The following TRIM2 variants were observed in gnomAD, a reference collection of about 807,000 sequenced individuals.
TRIM2 encodes the protein tripartite motif containing 2, also known as tripartite motif-containing protein 2.
In TRIM2, 20 loss-of-function variants were observed where a neutral mutation model predicts 75.2. The observed-to-expected ratio is 0.27, with a 90% CI of 0.19 to 0.39. The LOEUF (loss-of-function observed/expected upper bound fraction) is 0.39, where lower values mean the gene tolerates loss of function less well. Among genes scored for constraint, TRIM2 ranks in the 10% least tolerant of loss-of-function variants. The probability of loss-of-function intolerance (pLI) is 1.00; values close to 1 mark genes in which losing one functional copy is unlikely to be tolerated. For missense variants in TRIM2, 660 were observed against 990.8 expected (o/e 0.67, Z 4.48); for synonymous variants, 373 against 388.3 (o/e 0.96, Z 0.46).
Position 153,234,318 on chromosome 4 carries a change from AAAG to A in TRIM2, c.30+29762_30+29764del, listed in dbSNP as rs1312855172. Among the ~76,000 whole-genome samples the A allele has an allele frequency of 4.6e-5, 7 of 152,230 alleles. No individual in the cohort carries two copies. In the East Asian group the frequency reaches 1.4e-3, roughly 29 times the overall value. On this transcript the variant is annotated intron_variant, in intron 1 of 11. Coordinates refer to ENST00000338700, the MANE Select transcript of TRIM2 (RefSeq NM_015271.5). The stretch of plus-strand genomic sequence containing the variant: ...CACACTGTGATTCAGGGGTGGGAGG[AAAG>A]AAGGTGTTGGATAGCGATTCTCAAA...
chr4:153,213,936 G>A (rs1055322592), intron 1 of TRIM2, among the ~76,000 whole-genome samples: 9 of 151,962 alleles, frequency 5.9e-5, no homozygotes, highest in Middle Eastern at 3.4e-3. Flanking sequence ...TACATATTTT[G>A]TTCCAGATTG....
At chr4:153,229,472 C>T (rs181547700) in intron 1 of TRIM2, among the ~76,000 whole-genome samples, 3 of 152,176 alleles carry the variant, frequency 2.0e-5, no homozygotes, top group African/African-American at 7.2e-5. Flanking sequence ...TGCCCAGGCT[C>T]GTCTCAAATT....
At chr4:153,203,485 C>T (rs901156586), upstream of TRIM2, among the ~76,000 whole-genome samples, 14 of 150,450 alleles carry the variant, frequency 9.3e-5, no homozygotes, top group African/African-American at 2.9e-4. Context: ...CTTGGGCATA[C>T]AATAAATCCA....
intron 1 of TRIM2, among the ~76,000 whole-genome samples, chr4:153,153,457 G>T (rs918223917): frequency 2.2e-4 from 34 of 152,294 alleles, no homozygotes; most frequent in Non-Finnish European, 4.4e-4. Flanking sequence ...GGAGGCGACA[G>T]CCCGGAAGGC....
intron 1 of TRIM2, among the ~76,000 whole-genome samples, chr4:153,193,562 G>A (rs1460163431): frequency 2.6e-5 from 4 of 152,160 alleles, no homozygotes; most frequent in Non-Finnish European, 5.9e-5. Flanking sequence ...GCTAAACACT[G>A]TTCTAAATGA....
rs574509211 is a variant in TRIM2, at chr4:153,171,856, G to A, written c.-49+18586G>A. On this transcript the variant is annotated intron_variant, in intron 1 of 11. Transcript: ENST00000437508. Reference sequence around the variant, plus strand: ...GTTTTGGGGCTTTTTTTTTTTTTTCGCTAATGTATTTTAAAGCAAATCTCA... The same window carrying A: ...GTTTTGGGGCTTTTTTTTTTTTTTCACTAATGTATTTTAAAGCAAATCTCA... 3.7e-3 allele frequency among the ~76,000 whole-genome samples: 185 copies of A among 49,568 alleles called. 6 individuals are homozygous for A. The South Asian group carries it at 0.071, about 19-fold the overall frequency. The allele number at this position is 49,568 out of a possible 152,430, so 32.5% of individuals were successfully genotyped here.
At chr4:153,270,863 T>TA (rs1035408040) in intron 2 of TRIM2, among the ~76,000 whole-genome samples, 1 of 152,178 alleles carries the variant, frequency 6.6e-6, no homozygotes, top group Non-Finnish European at 1.5e-5. Flanking sequence ...CAGAGTCAAT[T>TA]AAAAAAATCT....
intron 1 of TRIM2, among the ~76,000 whole-genome samples, chr4:153,189,569 C>T (rs540795238): frequency 1.3e-5 from 2 of 152,114 alleles, no homozygotes; most frequent in South Asian, 4.1e-4. Flanking sequence ...GCCTAATATC[C>T]CCTGTCCACT....
chr4:153,250,848 T>G (rs1220034709), intron 1 of TRIM2, among the ~76,000 whole-genome samples: 2 of 152,218 alleles, frequency 1.3e-5, no homozygotes, highest in Non-Finnish European at 2.9e-5. Flanking sequence ...TCCTTGAGAC[T>G]CTGAGCTGAA....
chr4:153,186,177 A>AG (rs1732578093), intron 1 of TRIM2, among the ~76,000 whole-genome samples: 1 of 152,152 alleles, frequency 6.6e-6, no homozygotes, highest in South Asian at 2.1e-4. Context: ...AGCAGTGCCC[A>AG]GGCTGAAAAA....
chr4:153,237,851 CT>C (rs1243691887), intron 1 of TRIM2, among the ~76,000 whole-genome samples: 1 of 151,978 alleles, frequency 6.6e-6, no homozygotes, highest in African/African-American at 2.4e-5. Context: ...TTAATTGTAT[CT>C]TTTTTTCAAA....
chr4:153,308,643 C>A, intron 6 of TRIM2: 1 of 600,432 alleles, frequency 1.7e-6, no homozygotes, highest in South Asian at 1.4e-5. Context: ...TTTCAATGTT[C>A]AAAGCATCCT....
intron 1 of TRIM2, among the ~76,000 whole-genome samples, chr4:153,244,359 T>C (rs1378271071): frequency 1.7e-4 from 4 of 24,124 alleles, no homozygotes; most frequent in African/African-American, 1.0e-3. Context: ...TTCTTCCTCT[T>C]CTTCTTCTTC....
rs114050277 is a variant in TRIM2 at position 153,165,169 on chromosome 4, G to A, written c.-49+11899G>A. Reference sequence around the variant, plus strand: ...TTCCGCCCCAAGATGCTATTGTTTGGGGCTTGCTTTTGTAATTCTTCTACA... The same window carrying A: ...TTCCGCCCCAAGATGCTATTGTTTGAGGCTTGCTTTTGTAATTCTTCTACA... On this transcript the variant is annotated intron_variant, in intron 1 of 11. Transcript: ENST00000437508. 1.7e-3 allele frequency among the ~76,000 whole-genome samples: 265 copies of A among 152,076 alleles called. 2 individuals carry two copies. Among genetic ancestry groups the A allele is most frequent in the African/African-American group, 6.0e-3 (249 of 41,482 alleles).
At chr4:153,330,442 A>G (rs1396981931) in intron 11 of TRIM2, among the ~76,000 whole-genome samples, 5 of 152,190 alleles carry the variant, frequency 3.3e-5, no homozygotes, top group Admixed American at 3.3e-4. Context: ...GCAATATGTA[A>G]AAATTGCTCC....
chr4:153,159,195 CTTGTTCT>C (rs1729511565), intron 1 of TRIM2, among the ~76,000 whole-genome samples: 1 of 150,778 alleles, frequency 6.6e-6, no homozygotes. Flanking sequence ...GGACTTTGAA[CTTGTTCT>C]CAAGACCATA....
chr4:153,206,064 CCCA>C (rs1194873873), intron 1 of TRIM2, among the ~76,000 whole-genome samples: 4 of 152,192 alleles, frequency 2.6e-5, no homozygotes, highest in Non-Finnish European at 5.9e-5. Flanking sequence ...ACCCTCCAGG[CCCA>C]CCGCAGGCCT....
intron 1 of TRIM2, among the ~76,000 whole-genome samples, chr4:153,250,547 A>G (rs915000094): frequency 7.9e-5 from 12 of 152,234 alleles, no homozygotes; most frequent in African/African-American, 2.7e-4. Flanking sequence ...AATAAATGAT[A>G]CCAGACCAAC....
intron 10 of TRIM2, among the ~76,000 whole-genome samples, chr4:153,327,000 A>T (rs1017215875): frequency 6.7e-6 from 1 of 149,576 alleles, no homozygotes; most frequent in African/African-American, 2.5e-5. Context: ...AAAAAAAAAG[A>T]AAGAAAGATA....
Sources: allele counts gnomAD v4.1 joint callset (sites outside exome capture counted in the v4.1 genomes callset), GRCh38; gene constraint gnomAD v4.1.1; transcripts MANE v1.5; gene names NCBI Gene and HGNC (gene_info 2026-07-23, HGNC 2026-07-21).